The following GPHN variants were observed in gnomAD, a reference collection of about 807,000 sequenced individuals.
The protein encoded by GPHN is gephyrin.
A neutral mutation model predicts 95.5 loss-of-function variants in GPHN; 17 were observed. The observed-to-expected ratio is 0.18, with a 90% CI of 0.12 to 0.27. The LOEUF (loss-of-function observed/expected upper bound fraction) is 0.27. Ranked by LOEUF, GPHN falls within the 10% of genes least tolerant of loss-of-function variation. GPHN has a pLI of 1.00. For missense variants in GPHN, 660 were observed against 978.1 expected (o/e 0.67, Z 4.34); for synonymous variants, 320 against 322.5 (o/e 0.99, Z 0.08).
chr14:67,606,599 T>G, the GPHN span, among the ~76,000 whole-genome samples: 4 of 152,000 alleles, frequency 2.6e-5, no homozygotes, highest in African/African-American at 4.8e-5. Flanking sequence ...TTTATGAAGA[T>G]TTCAAAGGAA....
chr14:66,520,482 G>T (rs930212477), intron 1 of GPHN, among the ~76,000 whole-genome samples: 5 of 152,088 alleles, frequency 3.3e-5, no homozygotes, highest in African/African-American at 1.2e-4. Flanking sequence ...AGATTACAGA[G>T]GAGGAGCTGA....
Position 66,807,674 on chromosome 14 carries a change from G to A in GPHN, c.202-16800G>A, listed in dbSNP as rs1056119619. Reference sequence around the variant, plus strand: ...AAGGTAATCACTATCCTGATTTCTAGCAAATGAATTATCTTTACTTCTTTT... The same window carrying A: ...AAGGTAATCACTATCCTGATTTCTAACAAATGAATTATCTTTACTTCTTTT... On this transcript the variant is annotated intron_variant, in intron 3 of 22. Transcript: ENST00000478722. Among the ~76,000 whole-genome samples, 6 of 152,250 alleles carry A rather than the reference G, an allele frequency of 3.9e-5. No homozygotes were observed. The South Asian group carries it at 1.2e-3, about 32-fold the overall frequency.
intron 1 of GPHN, among the ~76,000 whole-genome samples, chr14:66,629,932 T>C (rs1006018488): frequency 2.0e-5 from 3 of 152,202 alleles, no homozygotes; most frequent in Admixed American, 1.3e-4. Flanking sequence ...ACTATCTGAA[T>C]TGCTTCCTAA....
chr14:66,631,060 G>GT (rs1313316037), intron 1 of GPHN, among the ~76,000 whole-genome samples: 10 of 146,554 alleles, frequency 6.8e-5, no homozygotes, highest in South Asian at 2.5e-4. Flanking sequence ...GTTTTTGTTT[G>GT]TTTTTTTTGA....
chr14:66,896,381 G>A (rs2064849026), intron 5 of GPHN, among the ~76,000 whole-genome samples: 2 of 152,252 alleles, frequency 1.3e-5, no homozygotes, highest in South Asian at 4.1e-4. Context: ...CACTTTGGGA[G>A]GCTGAGGTGG....
At chr14:67,712,040 C>G in the GPHN span, among the ~76,000 whole-genome samples, 1 of 152,090 alleles carries the variant, frequency 6.6e-6, no homozygotes, top group East Asian at 1.9e-4. Flanking sequence ...CTGCCTCAGC[C>G]CCCTGAGTAG....
chr14:67,546,772 A>T, the GPHN span, among the ~76,000 whole-genome samples: 1 of 152,188 alleles, frequency 6.6e-6, no homozygotes, highest in South Asian at 2.1e-4. Context: ...AGGCCAAGGT[A>T]GGAGGATCGC....
At chr14:67,146,084 T>C (rs1026033482) in intron 18 of GPHN, among the ~76,000 whole-genome samples, 2 of 152,198 alleles carry the variant, frequency 1.3e-5, no homozygotes, top group East Asian at 1.9e-4. Flanking sequence ...TGGGCCATGC[T>C]AGGAGCACTA....
chr14:66,647,162 C>G (rs556017078), intron 1 of GPHN, among the ~76,000 whole-genome samples: 1 of 151,208 alleles, frequency 6.6e-6, no homozygotes, highest in Non-Finnish European at 1.5e-5. Context: ...TGCCTTGGCC[C>G]CCCAAAGTTC....
At chr14:66,654,858 A>G (rs1255483130) in intron 1 of GPHN, among the ~76,000 whole-genome samples, 1 of 152,154 alleles carries the variant, frequency 6.6e-6, no homozygotes, top group Non-Finnish European at 1.5e-5. Flanking sequence ...GTTTTTGCCT[A>G]TGGATATGCA....
At chr14:66,676,715 G>A (rs2066612328) in intron 1 of GPHN, among the ~76,000 whole-genome samples, 1 of 133,564 alleles carries the variant, frequency 7.5e-6, no homozygotes, top group African/African-American at 3.0e-5. Flanking sequence ...CAGATTCCTA[G>A]TATTTTGTTC....
the GPHN span, among the ~76,000 whole-genome samples, chr14:67,234,829 C>T: frequency 6.0e-3 from 901 of 151,026 alleles, 19 homozygotes; most frequent in East Asian, 0.053. Context: ...TGCTAACAGG[C>T]GGGAACCACT....
chr14:67,416,413 T>C, the GPHN span, among the ~76,000 whole-genome samples: 5 of 152,020 alleles, frequency 3.3e-5, no homozygotes, highest in Admixed American at 3.3e-4. Context: ...AGCGCATCAT[T>C]TGTAGGAAAA....
At chr14:67,395,462 T>C in the GPHN span, 1 of 1,614,024 alleles carries the variant, frequency 6.2e-7, no homozygotes, top group Non-Finnish European at 8.5e-7. Context: ...CTGCTGGACC[T>C]TCCCCGGCTG....
the GPHN span, chr14:67,729,811 T>C: frequency 6.2e-6 from 3 of 487,228 alleles, no homozygotes; most frequent in Admixed American, 6.5e-5. Flanking sequence ...CTGCCAAGAT[T>C]GGCACTATCT....
chr14:67,010,604 A>C (rs1361397628), intron 9 of GPHN, among the ~76,000 whole-genome samples: 1 of 151,964 alleles, frequency 6.6e-6, no homozygotes, highest in Non-Finnish European at 1.5e-5. Flanking sequence ...CATATGTAAA[A>C]CAAAGAATTA....
At chr14:66,730,163 G>T (rs76945940) in intron 2 of GPHN, among the ~76,000 whole-genome samples, 2,916 of 152,260 alleles carry the variant, frequency 0.019, 38 homozygotes, top group Middle Eastern at 0.034. Context: ...AAGGTATTTT[G>T]GTACAAGAAG....
At chr14:66,737,757 T>G (rs2072427411) in intron 2 of GPHN, among the ~76,000 whole-genome samples, 1 of 152,246 alleles carries the variant, frequency 6.6e-6, no homozygotes, top group Non-Finnish European at 1.5e-5. Context: ...TGAATTCTTT[T>G]AGTTTCCAAC....
intron 4 of GPHN, among the ~76,000 whole-genome samples, chr14:66,877,942 G>C (rs2063744663): frequency 6.6e-6 from 1 of 152,132 alleles, no homozygotes; most frequent in Admixed American, 6.6e-5. Flanking sequence ...AAAGAACAAA[G>C]CTGGAGGCAT....
Sources: gnomAD v4.1 joint callset for allele counts (sites outside exome capture counted in the v4.1 genomes callset) on GRCh38, gnomAD v4.1.1 for gene constraint, MANE v1.5 for transcripts, NCBI Gene and HGNC (gene_info 2026-07-23, HGNC 2026-07-21) for gene names.